Variants in AFG2A observed in about 807,000 individuals in gnomAD.
The protein encoded by AFG2A is AAA ATPase AFG2A.
the AFG2A span, among the ~76,000 whole-genome samples, chr4:123,283,357 A>AG: frequency 1.2e-5 from 1 of 85,660 alleles, no homozygotes; most frequent in Admixed American, 1.4e-4. Context: ...AGGAAAAAAA[A>AG]AAGAGAGAGA....
At chr4:123,103,229 C>T in the AFG2A span, among the ~76,000 whole-genome samples, 2 of 151,958 alleles carry the variant, frequency 1.3e-5, no homozygotes, top group Admixed American at 1.3e-4. Context: ...AGAGTGTGTC[C>T]TCTTTTATAA....
chr4:123,237,234 TA>T, the AFG2A span, among the ~76,000 whole-genome samples: 10 of 152,272 alleles, frequency 6.6e-5, no homozygotes, highest in South Asian at 2.1e-3. Context: ...ACTTCATTTA[TA>T]AAAACAGCTG....
At chr4:123,060,533 T>G in the AFG2A span, among the ~76,000 whole-genome samples, 1 of 152,206 alleles carries the variant, frequency 6.6e-6, no homozygotes, top group African/African-American at 2.4e-5. Flanking sequence ...TCTGAAGCCA[T>G]GGCCCAAGCT....
At chr4:123,133,470 T>G in the AFG2A span, among the ~76,000 whole-genome samples, 1 of 141,678 alleles carries the variant, frequency 7.1e-6, no homozygotes, top group East Asian at 2.2e-4. Context: ...TCTGTTATAG[T>G]TCCTATCATA....
At chr4:123,139,368 C>G in the AFG2A span, among the ~76,000 whole-genome samples, 14 of 152,084 alleles carry the variant, frequency 9.2e-5, no homozygotes, top group East Asian at 1.9e-3. Context: ...TGTTTTCTTT[C>G]TTAATAGCCT....
the AFG2A span, among the ~76,000 whole-genome samples, chr4:122,992,534 G>A: frequency 6.6e-6 from 1 of 152,008 alleles, no homozygotes. Context: ...TACTTATTTT[G>A]GTATAGAAAA....
At chr4:122,989,096 G>A in the AFG2A span, among the ~76,000 whole-genome samples, 4 of 152,074 alleles carry the variant, frequency 2.6e-5, no homozygotes, top group African/African-American at 7.3e-5. Flanking sequence ...GGCAGTTTAT[G>A]TATCATCAGT....
the AFG2A span, among the ~76,000 whole-genome samples, chr4:122,965,011 A>G: frequency 6.6e-6 from 1 of 152,194 alleles, no homozygotes. Flanking sequence ...ACATTTTAAA[A>G]AAAGGAGACT....
chr4:123,260,570 CAGA>C, the AFG2A span, among the ~76,000 whole-genome samples: 2 of 152,250 alleles, frequency 1.3e-5, no homozygotes, highest in African/African-American at 2.4e-5. Context: ...ACAGTGAAAA[CAGA>C]AGGAGCAATT....
At chr4:123,166,819 A>G in the AFG2A span, among the ~76,000 whole-genome samples, 20 of 152,188 alleles carry the variant, frequency 1.3e-4, no homozygotes, top group Admixed American at 1.2e-3. Flanking sequence ...AACTATGTCT[A>G]CCTTCACTTT....
the AFG2A span, among the ~76,000 whole-genome samples, chr4:122,937,491 C>A: frequency 2.0e-5 from 3 of 152,142 alleles, no homozygotes; most frequent in Non-Finnish European, 4.4e-5. Context: ...AACTACTGCT[C>A]TTGAATCAGA....
At chr4:123,092,026 G>C in the AFG2A span, among the ~76,000 whole-genome samples, 3 of 152,198 alleles carry the variant, frequency 2.0e-5, no homozygotes, top group Non-Finnish European at 4.4e-5. Context: ...ATTTTGCTGT[G>C]TGATAAAGAT....
the AFG2A span, chr4:123,028,396 G>A: frequency 6.2e-7 from 1 of 1,613,892 alleles, no homozygotes; most frequent in Non-Finnish European, 8.5e-7. Flanking sequence ...AGCTATAAAG[G>A]TAGGGTGTTA....
the AFG2A span, among the ~76,000 whole-genome samples, chr4:123,177,373 A>C: frequency 1.3e-5 from 2 of 151,690 alleles, no homozygotes; most frequent in Admixed American, 1.3e-4. Context: ...TTGTATTTTT[A>C]GTAGAGACGG....
chr4:123,237,758 C>T, the AFG2A span, among the ~76,000 whole-genome samples: 1 of 150,794 alleles, frequency 6.6e-6, no homozygotes, highest in East Asian at 2.0e-4. Flanking sequence ...CCAGCATGAT[C>T]GACACAGAAG....
At chr4:122,979,813 T>TG in the AFG2A span, among the ~76,000 whole-genome samples, 1 of 152,204 alleles carries the variant, frequency 6.6e-6, no homozygotes, top group Non-Finnish European at 1.5e-5. Flanking sequence ...GAGGATCATC[T>TG]GAGCCCTGGG....
At chr4:123,029,804 C>T in the AFG2A span, among the ~76,000 whole-genome samples, 1 of 152,078 alleles carries the variant, frequency 6.6e-6, no homozygotes, top group Non-Finnish European at 1.5e-5. Context: ...CACCAGCTAA[C>T]TTTTTAACAT....
the AFG2A span, among the ~76,000 whole-genome samples, chr4:122,959,923 C>T: frequency 1.3e-5 from 2 of 152,198 alleles, no homozygotes; most frequent in Non-Finnish European, 2.9e-5. Flanking sequence ...GTGTTGCTTT[C>T]AACCCTTAGA....
the AFG2A span, among the ~76,000 whole-genome samples, chr4:123,079,745 C>CTTTTTTTTTTTTT: frequency 1.4e-5 from 1 of 72,658 alleles, no homozygotes; most frequent in Non-Finnish European, 2.4e-5. Context: ...TCTTTTCCTT[C>CTTTTTTTTTTTTT]TTTTTTTTTT....
Sources: gnomAD v4.1 joint callset for allele counts (sites outside exome capture counted in the v4.1 genomes callset) on GRCh38, gnomAD v4.1.1 for gene constraint, MANE v1.5 for transcripts, NCBI Gene and HGNC (gene_info 2026-07-23, HGNC 2026-07-21) for gene names.